The following AGBL1 variants were observed in gnomAD, a reference collection of about 807,000 sequenced individuals.
AGBL1 encodes AGBL carboxypeptidase 1, also known as cytosolic carboxypeptidase 4.
In AGBL1, 130 loss-of-function variants were observed where a neutral mutation model predicts 118.9. That is an observed-to-expected ratio of 1.09 (90% CI 0.95 to 1.26). The LOEUF is 1.26. Among genes scored for constraint, AGBL1 ranks in the 50% most tolerant of loss-of-function variants. AGBL1 has a pLI of 0.00. For synonymous variants in AGBL1, 555 were observed against 478.9 expected (o/e 1.16, Z -2.08); for missense variants, 1,584 against 1,298.1 (o/e 1.22, Z -3.38).
chr15:86,769,171 G>GAGAGAGAGAGAGAGAGAGAC (rs72260009), intron 22 of AGBL1, among the ~76,000 whole-genome samples: 1 of 118,530 alleles, frequency 8.4e-6, no homozygotes. Flanking sequence ...TTCTCATTTT[G>GAGAGAGAGAGAGAGAGAGAC]AGAGGGAGAG....
intron 1 of AGBL1, among the ~76,000 whole-genome samples, chr15:86,100,859 T>C (rs770481067): frequency 1.3e-5 from 2 of 152,128 alleles, no homozygotes; most frequent in Non-Finnish European, 2.9e-5. Context: ...TTTTAGTCAG[T>C]ATTTCATTTA....
chr15:86,762,060 C>T (rs1349841752), intron 22 of AGBL1, among the ~76,000 whole-genome samples: 1 of 152,030 alleles, frequency 6.6e-6, no homozygotes, highest in African/African-American at 2.4e-5. Flanking sequence ...GAGATTATGT[C>T]ATTTGCAGGG....
intron 13 of AGBL1, 33 bp downstream of exon 13, chr15:86,267,109 G>T: frequency 6.7e-7 from 1 of 1,494,180 alleles, no homozygotes; most frequent in Non-Finnish European, 9.1e-7. Context: ...GGTGTCTCCT[G>T]TCAGTTCGTA....
At chr15:86,544,224 C>T (rs2083545975) in intron 19 of AGBL1, among the ~76,000 whole-genome samples, 1 of 152,190 alleles carries the variant, frequency 6.6e-6, no homozygotes, top group African/African-American at 2.4e-5. Context: ...GATTCATTCA[C>T]ATACCTGGTG....
chr15:86,653,370 C>T (rs996410358), intron 21 of AGBL1, among the ~76,000 whole-genome samples: 11 of 152,158 alleles, frequency 7.2e-5, no homozygotes, highest in African/African-American at 2.4e-4. Flanking sequence ...TTCCCTAAAT[C>T]CTATAATACC....
At chr15:86,677,003 G>A (rs2085860649) in intron 22 of AGBL1, among the ~76,000 whole-genome samples, 2 of 151,994 alleles carry the variant, frequency 1.3e-5, no homozygotes. Flanking sequence ...GCGACAGAGG[G>A]AGACTCTGTC....
At chr15:86,825,300 A>G (rs909556923) in intron 22 of AGBL1, among the ~76,000 whole-genome samples, 1 of 149,418 alleles carries the variant, frequency 6.7e-6, no homozygotes, top group African/African-American at 2.5e-5. Context: ...TAAAAGGAGA[A>G]ATTGATAAAC....
chr15:86,107,998 G>A (rs1897150849), intron 1 of AGBL1, among the ~76,000 whole-genome samples: 1 of 152,218 alleles, frequency 6.6e-6, no homozygotes, highest in South Asian at 2.1e-4. Flanking sequence ...GAGCCCAGAT[G>A]GATGTCATGC....
chr15:86,555,877 C>T (rs2083726629), intron 21 of AGBL1, among the ~76,000 whole-genome samples: 1 of 152,070 alleles, frequency 6.6e-6, no homozygotes, highest in African/African-American at 2.4e-5. Context: ...AATCTGTTCA[C>T]TCCCTTGTCA....
chr15:86,191,840 C>A (rs1436930148), intron 5 of AGBL1, among the ~76,000 whole-genome samples: 1 of 150,886 alleles, frequency 6.6e-6, no homozygotes, highest in Non-Finnish European at 1.5e-5. Context: ...CTTTAGGAGG[C>A]CAAGGCAGGA....
At chr15:86,514,611 T>C (rs1428398211) in intron 18 of AGBL1, among the ~76,000 whole-genome samples, 7 of 152,162 alleles carry the variant, frequency 4.6e-5, no homozygotes, top group African/African-American at 1.7e-4. Flanking sequence ...ATATGTGAAA[T>C]GTTAACTTGG....
intron 21 of AGBL1, among the ~76,000 whole-genome samples, chr15:86,621,767 T>G (rs1425493221): frequency 1.3e-5 from 2 of 152,212 alleles, no homozygotes; most frequent in Non-Finnish European, 2.9e-5. Context: ...ACACTCAGTT[T>G]CCAGAATGGT....
chr15:86,557,773 A>G (rs75096288), intron 21 of AGBL1, among the ~76,000 whole-genome samples: 2,521 of 152,254 alleles, frequency 0.017, 28 homozygotes, highest in Middle Eastern at 0.034. Context: ...TTAGTATAGT[A>G]TAAAGTAGGT....
chr15:86,377,000 A>G (rs530864459), intron 17 of AGBL1, among the ~76,000 whole-genome samples: 1 of 152,336 alleles, frequency 6.6e-6, no homozygotes, highest in South Asian at 2.1e-4. Flanking sequence ...AGACCATATT[A>G]ATTTATGATC....
rs1157586 is a variant in AGBL1, at chr15:86,712,395, A to G, written c.3158+37959A>G. On this transcript the variant is annotated intron_variant, in intron 22 of 22. Coordinates refer to ENST00000614907, the MANE Select transcript of AGBL1 (RefSeq NM_001386094.1). ...TTTTTTTTAATTTACCACTGACATT[A>G]AAACGGAATGTTAAGAAACCCAGCT... Among the ~76,000 whole-genome samples, 1,228 of 151,712 alleles carry G rather than the reference A, an allele frequency of 8.1e-3. 44 individuals carry two copies. Among genetic ancestry groups the G allele is most frequent in the Admixed American group, 0.061 (934 of 15,228 alleles).
At chr15:86,207,329 A>G (rs1248840201) in intron 5 of AGBL1, among the ~76,000 whole-genome samples, 2 of 152,006 alleles carry the variant, frequency 1.3e-5, no homozygotes, top group African/African-American at 4.8e-5. Flanking sequence ...TAAAAAGTAG[A>G]TTTTTCCAAT....
intron 22 of AGBL1, among the ~76,000 whole-genome samples, chr15:86,758,834 A>G (rs1365665422): frequency 6.6e-6 from 1 of 151,782 alleles, no homozygotes; most frequent in Non-Finnish European, 1.5e-5. Flanking sequence ...TTAACTGGGC[A>G]TGGTGGTACA....
intron 17 of AGBL1, among the ~76,000 whole-genome samples, chr15:86,306,662 T>C (rs2079846202): frequency 6.6e-6 from 1 of 152,204 alleles, no homozygotes; most frequent in African/African-American, 2.4e-5. Context: ...ACTGATTTCC[T>C]TTCTTTTGAG....
intron 5 of AGBL1, among the ~76,000 whole-genome samples, chr15:86,216,875 G>A (rs2078198574): frequency 1.3e-5 from 2 of 152,160 alleles, no homozygotes; most frequent in Non-Finnish European, 2.9e-5. Context: ...AACTCTAGCA[G>A]CCCTGCCCAT....
Sources: allele counts gnomAD v4.1 joint callset (sites outside exome capture counted in the v4.1 genomes callset), GRCh38; gene constraint gnomAD v4.1.1; transcripts MANE v1.5; gene names NCBI Gene and HGNC (gene_info 2026-07-23, HGNC 2026-07-21).